The following SCML4 variants were observed in gnomAD, a reference collection of about 807,000 sequenced individuals.
The protein encoded by SCML4 is Scm polycomb group protein like 4, also known as sex comb on midleg-like protein 4.
Under a neutral mutation model 41.1 loss-of-function variants are expected in SCML4, and 34 were observed. The observed-to-expected ratio is 0.83, with a 90% CI of 0.63 to 1.10. The LOEUF (loss-of-function observed/expected upper bound fraction) is 1.10. SCML4 is among the 50% of genes least tolerant of loss of function. The pLI is 0.00. For synonymous variants in SCML4, 214 were observed against 220.9 expected, an observed-to-expected ratio of 0.97 and a Z score of 0.28; for missense variants, 522 against 534.1, an observed-to-expected ratio of 0.98 and a Z score of 0.22.
intron 1 of SCML4, among the ~76,000 whole-genome samples, chr6:107,799,976 T>C (rs1562270108): frequency 6.6e-6 from 1 of 152,196 alleles, no homozygotes; most frequent in African/African-American, 2.4e-5. Flanking sequence ...TTTTTTTTTT[T>C]TTCTAGTATT....
chr6:107,712,125 T>G (rs917959295), intron 6 of SCML4, among the ~76,000 whole-genome samples: 4 of 152,196 alleles, frequency 2.6e-5, no homozygotes, highest in Admixed American at 2.6e-4. Flanking sequence ...TTTAAAGACA[T>G]CTGCACTCAA....
chr6:107,808,351 A>C (rs1428888846), intron 1 of SCML4, among the ~76,000 whole-genome samples: 2 of 152,186 alleles, frequency 1.3e-5, no homozygotes, highest in Admixed American at 1.3e-4. Context: ...CTATATATAA[A>C]GATGGCACCA....
chr6:107,781,209 C>A (rs772709495), intron 1 of SCML4, among the ~76,000 whole-genome samples: 13 of 151,868 alleles, frequency 8.6e-5, no homozygotes, highest in African/African-American at 1.2e-4. Flanking sequence ...CAAAAATTAG[C>A]AACAAAAATT....
At chr6:107,792,674 G>T (rs1489015603) in intron 1 of SCML4, among the ~76,000 whole-genome samples, 3 of 151,644 alleles carry the variant, frequency 2.0e-5, no homozygotes, top group African/African-American at 7.3e-5. Flanking sequence ...AGAGGTTGCA[G>T]TGAGCTGAGA....
At chr6:107,746,580 G>C in intron 4 of SCML4, 109 bp downstream of exon 4, 1 of 937,350 alleles carries the variant, frequency 1.1e-6, no homozygotes, top group East Asian at 2.4e-5. Flanking sequence ...GAGCCCAGCA[G>C]ATGAAGGACA....
At chr6:107,789,655 C>T (rs1782169584) in intron 1 of SCML4, among the ~76,000 whole-genome samples, 1 of 152,244 alleles carries the variant, frequency 6.6e-6, no homozygotes, top group African/African-American at 2.4e-5. Context: ...GAGACCAGGC[C>T]TGCCGGCCCA....
the SCML4 span, among the ~76,000 whole-genome samples, chr6:107,838,278 C>T: frequency 2.0e-5 from 3 of 152,116 alleles, no homozygotes; most frequent in Admixed American, 2.0e-4. Context: ...GGGCAGGGCT[C>T]ACCACACCTG....
At chr6:107,801,254 C>G (rs113526643) in intron 1 of SCML4, among the ~76,000 whole-genome samples, 522 of 152,272 alleles carry the variant, frequency 3.4e-3, no homozygotes, top group African/African-American at 0.012. Context: ...ATTGCAGACC[C>G]AGGTCACACT....
At chr6:107,763,472 C>T (rs1252358351) in intron 2 of SCML4, among the ~76,000 whole-genome samples, 1 of 151,630 alleles carries the variant, frequency 6.6e-6, no homozygotes, top group Non-Finnish European at 1.5e-5. Flanking sequence ...CTGCAACCTC[C>T]ATCTCCCAGG....
At chr6:107,784,596 G>C (rs1038181722) in intron 1 of SCML4, among the ~76,000 whole-genome samples, 5 of 152,220 alleles carry the variant, frequency 3.3e-5, no homozygotes, top group Non-Finnish European at 7.3e-5. Flanking sequence ...ACTGGAGAGA[G>C]AGGAACGGTT....
intron 1 of SCML4, among the ~76,000 whole-genome samples, chr6:107,812,636 C>G (rs1288613551): frequency 2.0e-5 from 3 of 152,176 alleles, no homozygotes; most frequent in Non-Finnish European, 4.4e-5. Flanking sequence ...AAGGCTGACC[C>G]TCCGTGGGGT....
chr6:107,830,727 C>G, the SCML4 span, among the ~76,000 whole-genome samples: 3 of 152,070 alleles, frequency 2.0e-5, no homozygotes, highest in African/African-American at 2.4e-5. Flanking sequence ...TGTCAGATGT[C>G]TGTTATCAGA....
chr6:107,717,918 G>A (rs1225128338), intron 6 of SCML4, among the ~76,000 whole-genome samples: 4 of 152,198 alleles, frequency 2.6e-5, no homozygotes, highest in Non-Finnish European at 5.9e-5. Context: ...TTCTTGGGAT[G>A]AAAGGCAGCA....
chr6:107,838,862 C>T, the SCML4 span, among the ~76,000 whole-genome samples: 1 of 151,992 alleles, frequency 6.6e-6, no homozygotes, highest in South Asian at 2.1e-4. Context: ...TATTATGTAA[C>T]TTTATTGGGA....
chr6:107,780,824 ACCAGAACAAAG>A (rs1781430295), intron 1 of SCML4, among the ~76,000 whole-genome samples: 2 of 152,292 alleles, frequency 1.3e-5, no homozygotes, highest in African/African-American at 4.8e-5. Flanking sequence ...TATTATTATT[ACCAGAACAAAG>A]ATAATTTTGA....
At chr6:107,735,122 C>T (rs572345737) in intron 5 of SCML4, among the ~76,000 whole-genome samples, 41 of 152,324 alleles carry the variant, frequency 2.7e-4, no homozygotes, top group African/African-American at 9.6e-4. Context: ...GCAGTCCACC[C>T]ACCTCGGCCT....
intron 1 of SCML4, among the ~76,000 whole-genome samples, chr6:107,791,913 G>A (rs930967094): frequency 2.6e-5 from 4 of 152,166 alleles, no homozygotes; most frequent in Admixed American, 2.6e-4. Context: ...GTAAGACATT[G>A]ATCTAACCAC....
chr6:107,794,934 TTCTC>T (rs1382584603), intron 1 of SCML4, among the ~76,000 whole-genome samples: 2 of 152,162 alleles, frequency 1.3e-5, no homozygotes, highest in African/African-American at 2.4e-5. Flanking sequence ...CATGACCTTA[TTCTC>T]TCTCTATGTG....
intron 1 of SCML4, among the ~76,000 whole-genome samples, chr6:107,773,933 A>G (rs1780719560): frequency 6.6e-6 from 1 of 152,256 alleles, no homozygotes; most frequent in South Asian, 2.1e-4. Flanking sequence ...CTCAGGACAG[A>G]AAATATAAAA....
Sources: allele counts gnomAD v4.1 joint callset (sites outside exome capture counted in the v4.1 genomes callset), GRCh38; gene constraint gnomAD v4.1.1; transcripts MANE v1.5; gene names NCBI Gene and HGNC (gene_info 2026-07-23, HGNC 2026-07-21).